GSG1L: variants seen among roughly 807,000 people sequenced by gnomAD.
GSG1L encodes GSG1 like, also known as germ cell-specific gene 1-like protein.
In GSG1L, 24 loss-of-function variants were observed where a neutral mutation model predicts 42.1. The observed-to-expected ratio is 0.57, with a 90% CI of 0.41 to 0.80. The LOEUF (loss-of-function observed/expected upper bound fraction) is 0.80. GSG1L is among the 30% of genes least tolerant of loss of function. The pLI is 0.00. For synonymous variants in GSG1L, 215 were observed against 203.5 expected (o/e 1.06, Z -0.48); for missense variants, 445 against 472.2 (o/e 0.94, Z 0.53).
intron 3 of GSG1L, among the ~76,000 whole-genome samples, chr16:27,863,928 A>G (rs545258757): frequency 1.2e-4 from 19 of 152,286 alleles, no homozygotes; most frequent in African/African-American, 4.3e-4. Flanking sequence ...AAATAAATTA[A>G]CTCATGTAAT....
chr16:27,870,130 T>C (rs2093081855), intron 3 of GSG1L, among the ~76,000 whole-genome samples: 1 of 149,434 alleles, frequency 6.7e-6, no homozygotes, highest in Admixed American at 6.6e-5. Context: ...TCTGTCTGTC[T>C]CTGTGTCTCT....
intron 1 of GSG1L, among the ~76,000 whole-genome samples, chr16:28,000,845 A>C (rs895972843): frequency 6.6e-6 from 1 of 152,142 alleles, no homozygotes; most frequent in African/African-American, 2.4e-5. Context: ...AATTGTAATA[A>C]AAAATTTCCC....
At chr16:28,038,468 C>T (rs1488602609) in intron 1 of GSG1L, among the ~76,000 whole-genome samples, 1 of 152,196 alleles carries the variant, frequency 6.6e-6, no homozygotes, top group African/African-American at 2.4e-5. Flanking sequence ...GAGGGTCTCC[C>T]CTGAATCCTC....
intron 3 of GSG1L, among the ~76,000 whole-genome samples, chr16:27,866,524 G>A (rs922116828): frequency 7.2e-5 from 11 of 152,146 alleles, no homozygotes; most frequent in African/African-American, 2.7e-4. Context: ...CCACACCTGA[G>A]CAATCTGCCC....
Position 27,884,726 on chromosome 16 carries a change from G to C in GSG1L, c.398-88C>G. The C allele has an allele frequency of 7.7e-7, 1 of 1,306,952 alleles. No individual in the cohort carries two copies. The highest frequency in any genetic ancestry group is 1.5e-5 in the South Asian group (1 of 68,226). 81.0% of individuals were successfully genotyped at this position (1,306,952 alleles called of 1,614,324 possible). On this transcript the variant is annotated intron_variant, in intron 2 of 6. Coordinates refer to ENST00000447459, the MANE Select transcript of GSG1L (RefSeq NM_001109763.2). This position sits in a 1 kb window ranked among gnomAD's most constrained non-coding sequence, Gnocchi z 4.4. Reference sequence around the variant, plus strand: ...CCTATTCCTCCCACAACAGCAGAGGGTAGCAAGTCATTCTAGAATAGAACC... The same window carrying C: ...CCTATTCCTCCCACAACAGCAGAGGCTAGCAAGTCATTCTAGAATAGAACC...
intron 1 of GSG1L, among the ~76,000 whole-genome samples, chr16:28,019,126 C>T (rs1381954686): frequency 1.3e-5 from 2 of 152,122 alleles, no homozygotes; most frequent in Admixed American, 1.3e-4. Context: ...AAGGCTGAGA[C>T]CTACTGGGCT....
intron 1 of GSG1L, among the ~76,000 whole-genome samples, chr16:28,054,063 C>T (rs779978606): frequency 4.2e-4 from 64 of 152,128 alleles, no homozygotes; most frequent in Non-Finnish European, 7.8e-4. Context: ...ACCCGCCCTG[C>T]GTCTGTCACT....
At chr16:27,807,872 A>G (rs1275324679) in intron 5 of GSG1L, among the ~76,000 whole-genome samples, 7 of 152,232 alleles carry the variant, frequency 4.6e-5, no homozygotes. Context: ...TTATTTGCGA[A>G]TGGTATATAT....
intron 2 of GSG1L, among the ~76,000 whole-genome samples, chr16:27,941,631 C>G (rs949601052): frequency 1.3e-5 from 2 of 149,338 alleles, no homozygotes; most frequent in Non-Finnish European, 3.0e-5. Flanking sequence ...CAAGATTGTG[C>G]CACTGCACTC....
At position 28,063,098 on chromosome 16, in the gene GSG1L, G is replaced by T; in HGVS notation, c.327C>A (p.Cys109Ter). 1 of 1,437,630 alleles carries T rather than the reference G, an allele frequency of 7.0e-7. No individual in the cohort carries two copies. 89.1% of individuals were successfully genotyped at this position (1,437,630 alleles called of 1,614,324 possible). The change falls in exon 1 of 7, where the codon TGC becomes TGA. Residue 109 changes from cysteine to a stop codon, truncating the protein, a stop_gained. Coordinates refer to ENST00000447459, the MANE Select transcript of GSG1L (RefSeq NM_001109763.2). LOFTEE classifies it high-confidence loss of function. The surrounding 1 kb of genome is among the most constrained non-coding windows in gnomAD (Gnocchi z 5.8). ...RNFHTGIWYS[C>*]EEELSGLGEK... The stretch of plus-strand genomic sequence containing the variant: ...CACCAAGCCCGCTGAGCTCCTCCTC[G>T]CACGAGTACCAGATGCCGGTGTGGA...
intron 4 of GSG1L, among the ~76,000 whole-genome samples, chr16:27,829,563 T>A (rs538202469): frequency 8.8e-4 from 134 of 152,354 alleles, no homozygotes; most frequent in African/African-American, 2.9e-3. Context: ...CTATTTGTTT[T>A]AAACACAGGG....
intron 3 of GSG1L, among the ~76,000 whole-genome samples, chr16:27,872,514 G>A (rs1246834326): frequency 6.6e-6 from 1 of 152,186 alleles, no homozygotes; most frequent in African/African-American, 2.4e-5. Context: ...ACGAGGGGCT[G>A]GGTAAAATGA....
intron 1 of GSG1L, among the ~76,000 whole-genome samples, chr16:27,977,868 A>G (rs890660438): frequency 6.6e-6 from 1 of 152,202 alleles, no homozygotes; most frequent in Non-Finnish European, 1.5e-5. Context: ...ACCGTTCAGA[A>G]AAGACAAATG....
intron 1 of GSG1L, among the ~76,000 whole-genome samples, chr16:28,024,088 A>T (rs2085874962): frequency 6.6e-6 from 1 of 152,140 alleles, no homozygotes; most frequent in South Asian, 2.1e-4. Context: ...TGAATTCTGA[A>T]CTTCTGCCTC....
intron 1 of GSG1L, among the ~76,000 whole-genome samples, chr16:28,005,129 T>A (rs2085624558): frequency 6.6e-6 from 1 of 152,178 alleles, no homozygotes; most frequent in Admixed American, 6.5e-5. Flanking sequence ...CTCCTTTTTT[T>A]TGAGATGGAG....
chr16:27,888,545 TTCTTTCTTTCTTTC>T (rs2084080470), intron 2 of GSG1L, among the ~76,000 whole-genome samples: 1 of 20,370 alleles, frequency 4.9e-5, no homozygotes, highest in Admixed American at 9.6e-4. Flanking sequence ...CTTTCTTTCT[TTCTTTCTTTCTTTC>T]TTTCTTTCTT....
At chr16:27,947,384 AAAAG>A (rs199991139) in intron 2 of GSG1L, among the ~76,000 whole-genome samples, 23,191 of 130,526 alleles carry the variant, frequency 0.18, 2,051 homozygotes, top group Admixed American at 0.25. Context: ...GAAAGAAAGA[AAAAG>A]AAAGAAAGAA....
chr16:27,946,134 G>A (rs1216486286), intron 2 of GSG1L, among the ~76,000 whole-genome samples: 1 of 152,238 alleles, frequency 6.6e-6, no homozygotes, highest in Admixed American at 6.5e-5. Context: ...CAGGACTGAC[G>A]GGATACGTCA....
chr16:27,928,844 G>C (rs2084625825), intron 2 of GSG1L, among the ~76,000 whole-genome samples: 1 of 152,220 alleles, frequency 6.6e-6, no homozygotes, highest in South Asian at 2.1e-4. Context: ...AGGCTAAGGG[G>C]CTTAGAGTCT....
Sources: allele counts gnomAD v4.1 joint callset (sites outside exome capture counted in the v4.1 genomes callset), GRCh38; gene constraint gnomAD v4.1.1; non-coding constraint Gnocchi (gnomAD v3.1); transcripts MANE v1.5; gene names NCBI Gene and HGNC (gene_info 2026-07-23, HGNC 2026-07-21).